Variants in KIF21A observed in about 807,000 individuals in gnomAD.
KIF21A encodes the protein kinesin family member 21A.
KIF21A carries 114 observed loss-of-function variants against 202.9 expected under a neutral mutation model. The ratio of observed to expected loss-of-function variants is 0.56; its 90% CI spans 0.48 to 0.66. KIF21A has a LOEUF of 0.66. Ranked by LOEUF, KIF21A falls within the 30% of genes least tolerant of loss-of-function variation. The probability of loss-of-function intolerance (pLI) is 0.00; values close to 1 mark genes in which losing one functional copy is unlikely to be tolerated. For missense variants in KIF21A, 1,677 were observed against 1,994.9 expected (o/e 0.84, Z 3.04); for synonymous variants, 667 against 670.8 (o/e 0.99, Z 0.09).
chr12:39,431,288 A>C (rs536638525), intron 1 of KIF21A, among the ~76,000 whole-genome samples: 1 of 152,320 alleles, frequency 6.6e-6, no homozygotes, highest in South Asian at 2.1e-4. Context: ...CCCAGTTGGG[A>C]CAAAAGGGGA....
chr12:39,365,218 G>T (rs1002046392), intron 6 of KIF21A, among the ~76,000 whole-genome samples: 2 of 152,152 alleles, frequency 1.3e-5, no homozygotes, highest in African/African-American at 4.8e-5. Context: ...AATTTTTGGA[G>T]AGACTAATTT....
intron 31 of KIF21A, among the ~76,000 whole-genome samples, chr12:39,313,709 A>G (rs1944247297): frequency 6.6e-6 from 1 of 151,872 alleles, no homozygotes; most frequent in South Asian, 2.1e-4. Context: ...CACTGAAACA[A>G]AATTCATTTA....
At chr12:39,421,270 G>A (rs1455956594) in intron 1 of KIF21A, among the ~76,000 whole-genome samples, 1 of 152,024 alleles carries the variant, frequency 6.6e-6, no homozygotes, top group Non-Finnish European at 1.5e-5. Flanking sequence ...TACCATCAAG[G>A]TTTGTATAAG....
chr12:39,305,807 G>A (rs930926216), intron 34 of KIF21A, among the ~76,000 whole-genome samples: 3 of 152,170 alleles, frequency 2.0e-5, no homozygotes, highest in South Asian at 2.1e-4. Flanking sequence ...ATAAAATGAC[G>A]ATATCACTGA....
intron 24 of KIF21A, among the ~76,000 whole-genome samples, chr12:39,329,615 G>C (rs1456937720): frequency 1.3e-5 from 2 of 151,924 alleles, no homozygotes; most frequent in Non-Finnish European, 2.9e-5. Flanking sequence ...GAGGGAGGGA[G>C]AGGAAGAGTG....
Position 39,332,675 on chromosome 12 carries a change from C to T in KIF21A, c.2772G>A (p.Gln924=). 2.5e-6 allele frequency: 4 copies of T among 1,614,028 alleles called. No homozygotes were observed. Among genetic ancestry groups the T allele is most frequent in the Non-Finnish European group, 3.4e-6 (4 of 1,179,934 alleles). The change falls in exon 20 of 38, where the codon CAG becomes CAA. Residue 924 remains glutamine (Q), a synonymous_variant. Transcript: ENST00000361418. ...FISKTARMKW[Q]LLERRVTDII... ...TGTCTGTGACCCTGCGCTCAAGGAG[C>T]TGCCACTTCATGCGAGCTGTCTTGG...
intron 37 of KIF21A, among the ~76,000 whole-genome samples, chr12:39,296,393 A>T (rs1025305827): frequency 4.6e-5 from 7 of 152,220 alleles, no homozygotes; most frequent in African/African-American, 1.7e-4. Flanking sequence ...TAAAAAAAAC[A>T]AAAATAAAAT....
chr12:39,346,633 G>A (rs550297033), intron 11 of KIF21A, 129 bp from the exon 12 acceptor site: 146 of 525,086 alleles, frequency 2.8e-4, no homozygotes, highest in African/African-American at 2.7e-3. Flanking sequence ...AATTTTAAAA[G>A]ATATCATCAA....
At position 39,358,355 on chromosome 12, in the gene KIF21A, T is replaced by C. The variant is rs148354450; in HGVS notation, c.1038A>G (p.Ala346=). 937 of 1,614,090 alleles carry C rather than the reference T, an allele frequency of 5.8e-4. 2 individuals carry two copies. The highest frequency in any genetic ancestry group is 7.2e-4 in the Non-Finnish European group (851 of 1,179,938). Reference sequence around the variant, plus strand: ...AGTCTCTGTCTGAAGGGCTGACACATGCTATCATGATTGTTTGGCTGAAAG... The same window carrying C: ...AGTCTCTGTCTGAAGGGCTGACACACGCTATCATGATTGTTTGGCTGAAAG... ...LGGNSQTIMI[A]CVSPSDRDFM... is the part of the protein sequence containing the mutation. Residue 346 remains alanine (A), a synonymous_variant, in exon 8 of 38, where the codon GCA becomes GCG. Transcript: ENST00000361418.
chr12:39,369,284 C>A (rs1949798511), intron 3 of KIF21A, among the ~76,000 whole-genome samples: 1 of 152,054 alleles, frequency 6.6e-6, no homozygotes, highest in African/African-American at 2.4e-5. Context: ...CATGGCGAAA[C>A]CCCATCTCTA....
intron 1 of KIF21A, among the ~76,000 whole-genome samples, chr12:39,404,817 T>C (rs1952454070): frequency 6.6e-6 from 1 of 152,186 alleles, no homozygotes; most frequent in Non-Finnish European, 1.5e-5. Flanking sequence ...TAAGAGTTCT[T>C]TGTCTTGGCA....
chr12:39,340,579 T>A (rs1947358268), intron 15 of KIF21A, among the ~76,000 whole-genome samples: 2 of 152,004 alleles, frequency 1.3e-5, no homozygotes, highest in Admixed American at 1.3e-4. Flanking sequence ...TGTTAAAATG[T>A]CCCCAACATA....
intron 11 of KIF21A, among the ~76,000 whole-genome samples, chr12:39,348,727 T>C (rs568504783): frequency 6.6e-6 from 1 of 151,356 alleles, no homozygotes; most frequent in African/African-American, 2.4e-5. Flanking sequence ...AAGAGCTGAA[T>C]CCAAAGGTCA....
Position 39,311,567 on chromosome 12 carries a change from AAAAC to A in KIF21A, c.3960-18_3960-15del. 1 of 1,612,298 alleles carries A rather than the reference AAAAC, an allele frequency of 6.2e-7. No individual in the cohort carries two copies. The highest frequency in any genetic ancestry group is 8.5e-7 in the Non-Finnish European group (1 of 1,178,786). On this transcript the variant is annotated splice_polypyrimidine_tract_variant and intron_variant, in intron 31 of 37. Coordinates refer to ENST00000361418, the MANE Select transcript of KIF21A (RefSeq NM_001173464.2). ...TTGATTATGCCCCTAAGGTGGGGAA[AAAAC>A]AAACAAACCAAGACTCACTTCAGTA...
At chr12:39,359,929 T>A (rs927304026) in intron 7 of KIF21A, among the ~76,000 whole-genome samples, 1 of 152,196 alleles carries the variant, frequency 6.6e-6, no homozygotes, top group Admixed American at 6.5e-5. Context: ...TTCAAGTGTT[T>A]TCAAACTCCG....
At position 39,333,046 on chromosome 12, in the gene KIF21A, C is replaced by T. The variant is rs1370378496; in HGVS notation, c.2549G>A (p.Arg850Gln). ...MSDKVAGKVTRKLSSSDAPAQ... is the reference protein window; with the variant it reads ...MSDKVAGKVTQKLSSSDAPAQ... ...AGGTGCATCAGATGAACTCAGCTTC[C>T]GAGTAACTTTCCCAGCCACTTTATC... is the stretch of plus-strand genomic sequence containing the variant. The change falls in exon 19 of 38, where the codon CGG becomes CAG. Residue 850 changes from arginine to glutamine, a missense_variant. Around this residue, in one of 3 missense-constraint regions of KIF21A, gnomAD observed 966 missense variants for 1,180.9 expected, o/e 0.82. Coordinates refer to ENST00000361418, the MANE Select transcript of KIF21A (RefSeq NM_001173464.2). 4.3e-6 allele frequency: 7 copies of T among 1,613,876 alleles called. No homozygotes were observed. In the Admixed American group the frequency reaches 6.7e-5, roughly 15 times the overall value.
chr12:39,316,821 G>A (rs1944599857), intron 29 of KIF21A, among the ~76,000 whole-genome samples: 1 of 152,080 alleles, frequency 6.6e-6, no homozygotes, highest in Admixed American at 6.6e-5. Flanking sequence ...CTACATTTTA[G>A]TTTATAGAGA....
At position 39,333,371 on chromosome 12, in the gene KIF21A, GA is replaced by G. The variant is rs1215886813; in HGVS notation, c.2419-92del. Reference sequence around the variant, plus strand: ...TGAATATATTTCCCCATACCCCTGGGAACTATGAGTTCTTAGCAGAATCTTT... The same window carrying G: ...TGAATATATTTCCCCATACCCCTGGGACTATGAGTTCTTAGCAGAATCTTT... On this transcript the variant is annotated intron_variant, in intron 17 of 37. Coordinates refer to ENST00000361418, the MANE Select transcript of KIF21A (RefSeq NM_001173464.2). 4.7e-5 allele frequency: 44 copies of G among 943,474 alleles called. 1 individual carries two copies. Among genetic ancestry groups the G allele is most frequent in the Admixed American group, 8.9e-5 (5 of 56,320 alleles). 58.4% of individuals were successfully genotyped at this position (943,474 alleles called of 1,614,324 possible). A position where few individuals can be genotyped will look rare whatever the true frequency, so the allele number is the denominator to read the frequency against.
Position 39,442,439 on chromosome 12 carries a change from G to A in KIF21A, c.44+488C>T, listed in dbSNP as rs994640195. Among the ~76,000 whole-genome samples the A allele has an allele frequency of 2.0e-5, 3 of 152,126 alleles. No individual in the cohort carries two copies. The highest frequency in any genetic ancestry group is 2.0e-4 in the Admixed American group (3 of 15,262). Reference sequence around the variant, plus strand: ...TGGGCGCGCGGCGGGCCCTGCGGTCGCCGGCGCTGATAGTCAGATGCTTTG... The same window carrying A: ...TGGGCGCGCGGCGGGCCCTGCGGTCACCGGCGCTGATAGTCAGATGCTTTG... On this transcript the variant is annotated intron_variant, in intron 1 of 37. Transcript: ENST00000361418. This position sits in a 1 kb window ranked among gnomAD's most constrained non-coding sequence, Gnocchi z 5.0.
Sources: allele counts gnomAD v4.1 joint callset (sites outside exome capture counted in the v4.1 genomes callset), GRCh38; gene constraint gnomAD v4.1.1; regional missense constraint gnomAD v4.1.1; non-coding constraint Gnocchi (gnomAD v3.1); transcripts MANE v1.5; gene names NCBI Gene and HGNC (gene_info 2026-07-23, HGNC 2026-07-21).